Variants in EPHB1 observed in about 807,000 individuals in gnomAD.
EPHB1 encodes the protein EPH receptor B1.
In EPHB1, 30 loss-of-function variants were observed where a neutral mutation model predicts 94.4. The observed-to-expected ratio is 0.32, with a 90% CI of 0.24 to 0.43. The LOEUF (loss-of-function observed/expected upper bound fraction) is 0.43, where lower values mean the gene tolerates loss of function less well. EPHB1 is among the 20% of genes least tolerant of loss of function. EPHB1 has a pLI of 1.00. For missense variants in EPHB1, 1,055 were observed against 1,308.3 expected, an observed-to-expected ratio of 0.81 and a Z score of 2.99; for synonymous variants, 522 against 489.1, an observed-to-expected ratio of 1.07 and a Z score of -0.89.
intron 3 of EPHB1, among the ~76,000 whole-genome samples, chr3:135,005,633 G>C (rs376590235): frequency 6.6e-6 from 1 of 152,226 alleles, no homozygotes; most frequent in Non-Finnish European, 1.5e-5. Flanking sequence ...AGGACCCTCC[G>C]AGCCAGGTGC....
At chr3:135,253,218 T>G (rs1311807919) in intron 15 of EPHB1, among the ~76,000 whole-genome samples, 3 of 150,920 alleles carry the variant, frequency 2.0e-5, no homozygotes, top group Non-Finnish European at 3.0e-5. Context: ...TGAGTTTAAT[T>G]AGATCCCATT....
intron 3 of EPHB1, among the ~76,000 whole-genome samples, chr3:134,991,216 G>A (rs538736176): frequency 3.9e-5 from 6 of 152,252 alleles, no homozygotes; most frequent in Admixed American, 3.9e-4. Flanking sequence ...CTTTGTCTGA[G>A]GTTCATTTGT....
At chr3:134,937,702 G>A (rs2039031120) in intron 2 of EPHB1, among the ~76,000 whole-genome samples, 1 of 152,190 alleles carries the variant, frequency 6.6e-6, no homozygotes, top group Non-Finnish European at 1.5e-5. Flanking sequence ...TGTCAATGGA[G>A]TCCAGGCCTG....
intron 3 of EPHB1, among the ~76,000 whole-genome samples, chr3:134,985,387 A>G (rs1214862164): frequency 6.6e-6 from 1 of 152,068 alleles, no homozygotes; most frequent in Admixed American, 6.6e-5. Context: ...GGAACTCCTG[A>G]CCTCGAGTGA....
intron 6 of EPHB1, among the ~76,000 whole-genome samples, chr3:135,156,450 G>A (rs1288490601): frequency 1.3e-5 from 2 of 152,216 alleles, no homozygotes; most frequent in Admixed American, 6.5e-5. Flanking sequence ...CTCGTTTCCA[G>A]TGCCCTGTGC....
intron 12 of EPHB1, among the ~76,000 whole-genome samples, chr3:135,236,949 A>G (rs1296104992): frequency 6.6e-6 from 1 of 152,162 alleles, no homozygotes; most frequent in Non-Finnish European, 1.5e-5. Flanking sequence ...CTAGAACCAA[A>G]GCTATGTGTT....
At position 135,162,151 on chromosome 3, in the gene EPHB1, G is replaced by A. The variant is rs764023435; in HGVS notation, c.1556G>A (p.Gly519Asp). The A allele has an allele frequency of 6.2e-7, 1 of 1,609,806 alleles. No individual in the cohort carries two copies. The highest frequency in any genetic ancestry group is 8.5e-7 in the Non-Finnish European group (1 of 1,177,582). ...RTVAGYGKFS[G>D]KMCFQTLTDD... ...GTTGCTGGCTACGGCAAGTTCAGTG[G>A]CAAGATGTGCTTCCAGACTCTGACT... Residue 519 changes from glycine to aspartate, a missense_variant, in exon 7 of 16, where the codon GGC becomes GAC. Coordinates refer to ENST00000398015, the MANE Select transcript of EPHB1 (RefSeq NM_004441.5).
chr3:134,952,114 C>T, intron 3 of EPHB1, 62 bp downstream of exon 3: 1 of 1,508,788 alleles, frequency 6.6e-7, no homozygotes, highest in South Asian at 1.3e-5. Context: ...CAAGGTTTCC[C>T]CACCAATAAT....
intron 1 of EPHB1, among the ~76,000 whole-genome samples, chr3:134,800,926 G>A (rs74393909): frequency 0.028 from 4,209 of 152,252 alleles, 119 homozygotes; most frequent in African/African-American, 0.064. Context: ...CTAGTAAGTG[G>A]CCAAGCCTGG....
intron 1 of EPHB1, among the ~76,000 whole-genome samples, chr3:134,904,550 T>G (rs1391081266): frequency 6.6e-6 from 1 of 152,082 alleles, no homozygotes; most frequent in Non-Finnish European, 1.5e-5. Context: ...CCACAGTTTT[T>G]GGGGCTTTAC....
chr3:134,861,087 C>T (rs1054177062), intron 1 of EPHB1, among the ~76,000 whole-genome samples: 4 of 152,080 alleles, frequency 2.6e-5, no homozygotes, highest in African/African-American at 9.7e-5. Context: ...AACTGTAACG[C>T]CAGTTAGAGG....
intron 12 of EPHB1, among the ~76,000 whole-genome samples, chr3:135,235,004 C>A (rs943759800): frequency 4.6e-5 from 7 of 151,332 alleles, no homozygotes; most frequent in Admixed American, 1.3e-4. Flanking sequence ...ACAAATACCC[C>A]TCTTCTCTCC....
chr3:135,054,525 G>T (rs577338806), intron 3 of EPHB1, among the ~76,000 whole-genome samples: 33 of 152,250 alleles, frequency 2.2e-4, no homozygotes, highest in Non-Finnish European at 3.8e-4. Context: ...TCACTCAGGG[G>T]TGAAGGAGGC....
chr3:134,896,811 G>T (rs542135952), intron 1 of EPHB1, among the ~76,000 whole-genome samples: 1 of 152,372 alleles, frequency 6.6e-6, no homozygotes, highest in South Asian at 2.1e-4. Context: ...GCCGACTGCG[G>T]CTATTGTCGT....
At chr3:135,180,299 G>A (rs1026752300) in intron 10 of EPHB1, among the ~76,000 whole-genome samples, 2 of 152,192 alleles carry the variant, frequency 1.3e-5, no homozygotes, top group Non-Finnish European at 2.9e-5. Context: ...AGTTGAGAAG[G>A]CTTTGAAAGA....
At chr3:135,133,208 G>C (rs1024750189) in intron 5 of EPHB1, among the ~76,000 whole-genome samples, 159 bp downstream of exon 5, 36 of 152,250 alleles carry the variant, frequency 2.4e-4, no homozygotes, top group Middle Eastern at 3.2e-3. Context: ...ATCACATAGA[G>C]CAGGCAGGTG....
intron 3 of EPHB1, among the ~76,000 whole-genome samples, chr3:135,076,290 A>G (rs1937918967): frequency 6.7e-6 from 1 of 148,152 alleles, no homozygotes; most frequent in South Asian, 2.1e-4. Flanking sequence ...AAAAAGTCAA[A>G]CAACTCAATT....
chr3:134,931,050 A>C (rs1057276195), intron 2 of EPHB1, among the ~76,000 whole-genome samples: 1 of 152,228 alleles, frequency 6.6e-6, no homozygotes, highest in Non-Finnish European at 1.5e-5. Context: ...ACCTGTCTGC[A>C]TCTCCATCAC....
intron 9 of EPHB1, among the ~76,000 whole-genome samples, chr3:135,178,359 G>A (rs763388245): frequency 5.3e-5 from 8 of 151,374 alleles, no homozygotes; most frequent in South Asian, 2.1e-4. Flanking sequence ...AGGAGGCTGC[G>A]GCAGAAGAAT....
Sources: gnomAD v4.1 joint callset for allele counts (sites outside exome capture counted in the v4.1 genomes callset) on GRCh38, gnomAD v4.1.1 for gene constraint, MANE v1.5 for transcripts, NCBI Gene and HGNC (gene_info 2026-07-23, HGNC 2026-07-21) for gene names.